The following SPAG16 variants were observed in gnomAD, a reference collection of about 807,000 sequenced individuals.
SPAG16 encodes the protein sperm associated antigen 16.
SPAG16 carries 86 observed loss-of-function variants against 80.4 expected under a neutral mutation model. The ratio of observed to expected loss-of-function variants is 1.07; its 90% CI spans 0.90 to 1.28. The LOEUF is 1.28. Among genes scored for constraint, SPAG16 ranks in the 50% most tolerant of loss-of-function variants. SPAG16 has a pLI of 0.00. For synonymous variants in SPAG16, 294 were observed against 265.9 expected (o/e 1.11, Z -1.03); for missense variants, 870 against 765.3 (o/e 1.14, Z -1.61).
At chr2:213,389,449 C>T (rs761280755) in intron 9 of SPAG16, among the ~76,000 whole-genome samples, 1 of 152,054 alleles carries the variant, frequency 6.6e-6, no homozygotes, top group Non-Finnish European at 1.5e-5. Context: ...GAAAGACTGT[C>T]ATCAGAGTAA....
chr2:214,136,411 A>G (rs530270955), intron 14 of SPAG16, among the ~76,000 whole-genome samples: 4 of 152,270 alleles, frequency 2.6e-5, no homozygotes, highest in African/African-American at 9.6e-5. Context: ...CCTAACCATA[A>G]AGATGTAGAA....
chr2:214,077,439 G>A (rs752657799), intron 13 of SPAG16, among the ~76,000 whole-genome samples: 2 of 152,184 alleles, frequency 1.3e-5, no homozygotes, highest in Non-Finnish European at 2.9e-5. Context: ...AACAAAAGTA[G>A]AGTTAAAGGC....
chr2:213,401,228 T>C (rs2125337379), intron 9 of SPAG16, among the ~76,000 whole-genome samples: 1 of 152,390 alleles, frequency 6.6e-6, no homozygotes, highest in African/African-American at 2.4e-5. Context: ...AGGTTTGCTC[T>C]GTCTGCCATG....
At position 213,724,480 on chromosome 2, in the gene SPAG16, A is replaced by T. The variant is rs1313897355; in HGVS notation, c.1071-138005A>T. ...TTCCAGAGTAGGTCAAAGTCATTTA[A>T]AAAAAGGATAAACTGGGCCGGGTGC... On this transcript the variant is annotated intron_variant, in intron 10 of 15. Transcript: ENST00000331683. Among the ~76,000 whole-genome samples the T allele has an allele frequency of 9.9e-5, 15 of 152,224 alleles. No homozygotes were observed. The East Asian group carries it at 2.7e-3, about 27-fold the overall frequency.
At chr2:214,287,098 A>G (rs954602079) in intron 15 of SPAG16, among the ~76,000 whole-genome samples, 3 of 152,202 alleles carry the variant, frequency 2.0e-5, no homozygotes, top group Non-Finnish European at 2.9e-5. Flanking sequence ...CATCAGAAAC[A>G]CAAACCTAAC....
intron 14 of SPAG16, among the ~76,000 whole-genome samples, chr2:214,120,213 T>C (rs1194060590): frequency 1.3e-5 from 2 of 151,778 alleles, no homozygotes; most frequent in Admixed American, 1.3e-4. Context: ...ATATTTCCTG[T>C]GCTTTACTAC....
intron 10 of SPAG16, among the ~76,000 whole-genome samples, chr2:213,632,160 T>C (rs2062181211): frequency 6.6e-6 from 1 of 152,170 alleles, no homozygotes; most frequent in South Asian, 2.1e-4. Context: ...ATTTGTTTCA[T>C]CAGTTTTTTA....
At chr2:213,822,465 C>G (rs1575240384) in intron 10 of SPAG16, among the ~76,000 whole-genome samples, 1 of 152,068 alleles carries the variant, frequency 6.6e-6, no homozygotes, top group East Asian at 1.9e-4. Context: ...CAAATATTTT[C>G]TCCTATTCTG....
At chr2:213,377,784 C>A (rs766781456) in intron 9 of SPAG16, among the ~76,000 whole-genome samples, 2 of 151,848 alleles carry the variant, frequency 1.3e-5, no homozygotes, top group Non-Finnish European at 2.9e-5. Flanking sequence ...CTTATGATAG[C>A]TTAGAGTTCT....
intron 15 of SPAG16, among the ~76,000 whole-genome samples, chr2:214,392,063 T>G (rs887809764): frequency 2.0e-5 from 3 of 152,180 alleles, no homozygotes; most frequent in Admixed American, 6.5e-5. Flanking sequence ...ACAAGATTCA[T>G]TGCTGAAGAA....
chr2:214,140,933 T>TGGGGGGGGGGG (rs56893647), intron 14 of SPAG16, among the ~76,000 whole-genome samples: 1 of 59,212 alleles, frequency 1.7e-5, no homozygotes, highest in African/African-American at 6.5e-5. Flanking sequence ...ATCCCATTGG[T>TGGGGGGGGGGG]GGGGGGGGGG....
intron 13 of SPAG16, among the ~76,000 whole-genome samples, chr2:214,027,831 G>A (rs1186587421): frequency 6.6e-6 from 1 of 151,640 alleles, no homozygotes; most frequent in Non-Finnish European, 1.5e-5. Flanking sequence ...AAATTAGTAT[G>A]GTTATCTGGT....
At chr2:213,445,588 C>T (rs1256439174) in intron 9 of SPAG16, among the ~76,000 whole-genome samples, 1 of 152,172 alleles carries the variant, frequency 6.6e-6, no homozygotes, top group Non-Finnish European at 1.5e-5. Flanking sequence ...ATAGCTTGAA[C>T]CCGAGAGGTG....
At chr2:213,959,801 C>T (rs74982984) in intron 12 of SPAG16, among the ~76,000 whole-genome samples, 17 of 152,294 alleles carry the variant, frequency 1.1e-4, no homozygotes, top group African/African-American at 3.6e-4. Flanking sequence ...CTTTGTCTCA[C>T]CTGACACGCA....
At chr2:213,645,148 G>A (rs905925887) in intron 10 of SPAG16, among the ~76,000 whole-genome samples, 5 of 152,190 alleles carry the variant, frequency 3.3e-5, no homozygotes, top group African/African-American at 1.2e-4. Context: ...CAGGCCATGA[G>A]GAGTACTGCC....
At chr2:214,406,682 T>C (rs1034151914) in intron 15 of SPAG16, among the ~76,000 whole-genome samples, 1 of 152,272 alleles carries the variant, frequency 6.6e-6, no homozygotes, top group South Asian at 2.1e-4. Context: ...TAAAATTAGA[T>C]TGAATCATTT....
intron 15 of SPAG16, among the ~76,000 whole-genome samples, chr2:214,195,567 G>C (rs1204954412): frequency 2.0e-5 from 3 of 151,912 alleles, no homozygotes; most frequent in African/African-American, 7.3e-5. Context: ...AACTGAAAGG[G>C]CATGGTGATG....
chr2:213,686,416 GTTACT>G (rs2064676781), intron 10 of SPAG16, among the ~76,000 whole-genome samples: 1 of 151,644 alleles, frequency 6.6e-6, no homozygotes, highest in South Asian at 2.1e-4. Flanking sequence ...GCGCCCGGCT[GTTACT>G]TTATTTTAAT....
At chr2:213,841,848 A>T (rs1353169741) in intron 10 of SPAG16, among the ~76,000 whole-genome samples, 1 of 152,150 alleles carries the variant, frequency 6.6e-6, no homozygotes, top group Non-Finnish European at 1.5e-5. Context: ...TCTAAGTTAT[A>T]TGTATAAGAA....
Sources: gnomAD v4.1 joint callset for allele counts (sites outside exome capture counted in the v4.1 genomes callset) on GRCh38, gnomAD v4.1.1 for gene constraint, MANE v1.5 for transcripts, NCBI Gene and HGNC (gene_info 2026-07-23, HGNC 2026-07-21) for gene names.